COPG2: variants seen among roughly 807,000 people sequenced by gnomAD.
The protein encoded by COPG2 is coatomer subunit gamma-2.
Under a neutral mutation model 46.3 loss-of-function variants are expected in COPG2, and 37 were observed. The ratio of observed to expected loss-of-function variants is 0.80; its 90% CI spans 0.61 to 1.05. The LOEUF is 1.05. Ranked by LOEUF, COPG2 falls within the 50% of genes least tolerant of loss-of-function variation. COPG2 has a pLI of 0.00. For missense variants in COPG2, 427 were observed against 387.8 expected (o/e 1.10, Z -0.85); for synonymous variants, 159 against 129.7 (o/e 1.23, Z -1.53).
intron 9 of COPG2, among the ~76,000 whole-genome samples, chr7:130,604,986 A>G (rs1266959103): frequency 6.6e-6 from 1 of 152,246 alleles, no homozygotes; most frequent in Non-Finnish European, 1.5e-5. Flanking sequence ...GATCAACCTT[A>G]TACTACTAGA....
intron 11 of COPG2, among the ~76,000 whole-genome samples, chr7:130,562,025 A>G (rs1349512065): frequency 6.6e-6 from 1 of 152,176 alleles, no homozygotes; most frequent in African/African-American, 2.4e-5. Flanking sequence ...TCTGGCCCCA[A>G]GATTAGAGAT....
intron 5 of COPG2, among the ~76,000 whole-genome samples, chr7:130,623,790 G>GCCTGGCTGT (rs1795074666): frequency 1.3e-5 from 2 of 152,082 alleles, no homozygotes; most frequent in Non-Finnish European, 2.9e-5. Flanking sequence ...TTTGAGGACA[G>GCCTGGCTGT]CCTGGGCAAC....
intron 9 of COPG2, among the ~76,000 whole-genome samples, chr7:130,579,159 AC>A (rs1391926959): frequency 8.9e-6 from 1 of 112,484 alleles, no homozygotes; most frequent in Non-Finnish European, 1.8e-5. Flanking sequence ...CTCGGCAGAA[AC>A]CCTACAAGCC....
At chr7:130,529,190 A>G (rs1799801693) in intron 20 of COPG2, among the ~76,000 whole-genome samples, 1 of 152,148 alleles carries the variant, frequency 6.6e-6, no homozygotes. Flanking sequence ...AAGGATGGCA[A>G]TGTTGGCAGC....
At chr7:130,610,705 T>C (rs1554451915) in intron 9 of COPG2, 3 of 623,382 alleles carry the variant, frequency 4.8e-6, no homozygotes, top group South Asian at 3.3e-5. Context: ...TTATGATCAA[T>C]GCATATATTT....
At position 130,553,341 on chromosome 7, in the gene COPG2, C is replaced by CT. The variant is rs1348598457; in HGVS notation, c.1469-912dup. ...CATTTGAAAGTCCCCCCCGCCTTTT[C>CT]TTTTTTTTTTAGCAGAGTGTAAAGA... is the stretch of plus-strand genomic sequence containing the variant. On this transcript the variant is annotated intron_variant, in intron 14 of 23. Transcript: ENST00000425248. Among the ~76,000 whole-genome samples the CT allele has an allele frequency of 4.2e-3, 617 of 145,966 alleles. 5 individuals are homozygous for CT. Among genetic ancestry groups the CT allele is most frequent in the Non-Finnish European group, 7.2e-3 (476 of 66,026 alleles).
intron 20 of COPG2, among the ~76,000 whole-genome samples, chr7:130,522,318 A>G (rs998467477): frequency 3.3e-5 from 5 of 152,250 alleles, no homozygotes; most frequent in Admixed American, 3.3e-4. Flanking sequence ...AAAATACTAT[A>G]GTACAGTAAA....
At chr7:130,536,273 G>A (rs1196430397) in intron 20 of COPG2, among the ~76,000 whole-genome samples, 2 of 152,100 alleles carry the variant, frequency 1.3e-5, no homozygotes, top group Non-Finnish European at 2.9e-5. Flanking sequence ...TGAGTAGGAA[G>A]TGTACCTGGA....
intron 20 of COPG2, among the ~76,000 whole-genome samples, chr7:130,540,644 G>A (rs1237794500): frequency 6.6e-6 from 1 of 152,068 alleles, no homozygotes; most frequent in African/African-American, 2.4e-5. Flanking sequence ...GGCCTAATGG[G>A]GGTGGGCAGA....
At chr7:130,651,902 G>A (rs189028142) in intron 5 of COPG2, among the ~76,000 whole-genome samples, 9 of 152,072 alleles carry the variant, frequency 5.9e-5, no homozygotes, top group East Asian at 5.8e-4. Context: ...CACCTGCGTC[G>A]GCCTCCCAAA....
chr7:130,611,087 A>T lies in COPG2; in HGVS notation c.603T>A (p.Tyr201Ter), dbSNP rs1009400586. 2.5e-6 allele frequency: 4 copies of T among 1,613,652 alleles called. No individual in the cohort carries two copies. Among genetic ancestry groups the T allele is most frequent in the Admixed American group, 1.7e-5 (1 of 60,006 alleles). ...CAAGTCGATCATTCTTTCTAAGGTG[A>T]TACAGGACTCCCAATGCATGGTACT... is the stretch of plus-strand genomic sequence containing the variant. ...MVQYHALGVL[Y>*]HLRKNDRLAV... Residue 201 changes from tyrosine to a stop codon, truncating the protein, a stop_gained, in exon 9 of 24, where the codon TAT becomes TAA. Coordinates refer to ENST00000425248, the MANE Select transcript of COPG2 (RefSeq NM_012133.6). LOFTEE classifies it high-confidence loss of function.
intron 5 of COPG2, among the ~76,000 whole-genome samples, chr7:130,639,030 T>C (rs1795406068): frequency 6.6e-6 from 1 of 152,172 alleles, no homozygotes; most frequent in Non-Finnish European, 1.5e-5. Context: ...TGCCCCATCC[T>C]GCTTCAACTT....
At chr7:130,607,491 T>C (rs1554451445) in intron 9 of COPG2, 2 of 438,028 alleles carry the variant, frequency 4.6e-6, no homozygotes. Context: ...ATGGAGTTTC[T>C]TTAGCAAGAA....
intron 9 of COPG2, among the ~76,000 whole-genome samples, chr7:130,571,590 G>T (rs1163627517): frequency 2.0e-5 from 3 of 152,196 alleles, no homozygotes; most frequent in African/African-American, 7.2e-5. Context: ...CTTCTACACT[G>T]ATGGTGGGAA....
At chr7:130,651,901 C>T (rs1035650370) in intron 5 of COPG2, among the ~76,000 whole-genome samples, 7 of 152,084 alleles carry the variant, frequency 4.6e-5, no homozygotes, top group African/African-American at 1.4e-4. Flanking sequence ...CCACCTGCGT[C>T]GGCCTCCCAA....
chr7:130,620,321 A>G (rs1795016881), intron 5 of COPG2, among the ~76,000 whole-genome samples: 1 of 152,148 alleles, frequency 6.6e-6, no homozygotes, highest in African/African-American at 2.4e-5. Context: ...ACATTCTGAC[A>G]GGGAACAATC....
chr7:130,621,108 A>G (rs1465354834), intron 5 of COPG2, among the ~76,000 whole-genome samples: 1 of 152,198 alleles, frequency 6.6e-6, no homozygotes, highest in Admixed American at 6.5e-5. Context: ...ACAACGAATC[A>G]AGAGACTGGA....
At chr7:130,595,173 T>C (rs543838339) in intron 9 of COPG2, among the ~76,000 whole-genome samples, 1 of 152,360 alleles carries the variant, frequency 6.6e-6, no homozygotes, top group South Asian at 2.1e-4. Context: ...AATGTAATAT[T>C]ATTCAGCCAT....
intron 9 of COPG2, among the ~76,000 whole-genome samples, chr7:130,598,044 A>G (rs1315693698): frequency 6.6e-6 from 1 of 152,206 alleles, no homozygotes; most frequent in African/African-American, 2.4e-5. Context: ...CCCAAGGACC[A>G]AACAGCCCTA....
Sources: gnomAD v4.1 joint callset for allele counts (sites outside exome capture counted in the v4.1 genomes callset) on GRCh38, gnomAD v4.1.1 for gene constraint, MANE v1.5 for transcripts, NCBI Gene and HGNC (gene_info 2026-07-23, HGNC 2026-07-21) for gene names.